Variants in ENTPD4 observed in about 807,000 individuals in gnomAD.
ENTPD4 encodes Golgi UDPase.
In ENTPD4, 60 loss-of-function variants were observed where a neutral mutation model predicts 79.1. The ratio of observed to expected loss-of-function variants is 0.76; its 90% CI spans 0.62 to 0.94. ENTPD4 has a LOEUF of 0.94. ENTPD4 is among the 40% of genes least tolerant of loss of function. The pLI, the probability that ENTPD4 is intolerant of heterozygous loss-of-function variation, is 0.00. For synonymous variants in ENTPD4, 276 were observed against 292.0 expected (o/e 0.95, Z 0.56); for missense variants, 772 against 775.1 (o/e 1.00, Z 0.05).
intron 11 of ENTPD4, 53 bp from the exon 12 acceptor site, chr8:23,434,531 G>C: frequency 6.8e-6 from 10 of 1,476,438 alleles, no homozygotes; most frequent in Non-Finnish European, 9.3e-6. Flanking sequence ...TGTCAAGATG[G>C]CACACACACA....
chr8:23,446,968 G>A (rs1800773232), intron 4 of ENTPD4, among the ~76,000 whole-genome samples: 1 of 152,104 alleles, frequency 6.6e-6, no homozygotes, highest in Admixed American at 6.5e-5. Flanking sequence ...TCTCTATTAA[G>A]ATCTGTGGTC....
intron 10 of ENTPD4, among the ~76,000 whole-genome samples, chr8:23,435,992 C>A (rs931631183): frequency 6.6e-6 from 1 of 152,150 alleles, no homozygotes; most frequent in Non-Finnish European, 1.5e-5. Context: ...CTTAACTCCT[C>A]GAGGTGGCTA....
rs150311980 is a variant in ENTPD4 at position 23,434,349 on chromosome 8, G to A, written c.1590C>T (p.Ala530=). The A allele has an allele frequency of 1.2e-6, 2 of 1,614,194 alleles. No homozygotes were observed. The highest frequency in any genetic ancestry group is 2.2e-5 in the East Asian group (1 of 44,884). Residue 530 remains alanine, a synonymous_variant, in exon 12 of 13, where the codon GCC becomes GCT. Transcript: ENST00000358689. ...YDKEVQWTLG[A]ILYRTRFLPL... ...GTAGAAAGCGGGTCCTGTAGAGGATGGCTCCAAGGGTCCACTGAACCTCCT... is the reference window on the plus strand; with the variant it reads ...GTAGAAAGCGGGTCCTGTAGAGGATAGCTCCAAGGGTCCACTGAACCTCCT...
Position 23,435,448 on chromosome 8 carries a change from C to T in ENTPD4, c.1404G>A (p.Leu468=). The T allele has an allele frequency of 6.2e-7, 1 of 1,614,052 alleles. No individual in the cohort carries two copies. Among genetic ancestry groups the T allele is most frequent in the Non-Finnish European group, 8.5e-7 (1 of 1,179,956 alleles). Residue 468 remains leucine, a synonymous_variant, in exon 11 of 13, where the codon TTG becomes TTA. Transcript: ENST00000358689. ...KDYCATKWSI[L]RERFDRGLYA... ...ACAGTCCTCGGTCAAAGCGTTCCCG[C>T]AAAATGGACCACTTTGTTGCACAAT...
At position 23,431,499 on chromosome 8, in the gene ENTPD4, T is replaced by A. The variant is rs142283082; in HGVS notation, c.*1427A>T. ...GCCAATCCAATTGTCCTTTTTAGAT[T>A]TTGGCTTAAATTGTCGAATTTTTTC... is the stretch of plus-strand genomic sequence containing the variant. On this transcript the variant is annotated 3_prime_UTR_variant, in exon 13 of 13. Transcript: ENST00000358689. The A allele has an allele frequency of 1.9e-5, 19 of 985,430 alleles. No individual in the cohort carries two copies. In the East Asian group the frequency reaches 1.9e-3, roughly 100 times the overall value. The allele number at this position is 985,430 out of a possible 1,614,324, so 61.0% of individuals were successfully genotyped here.
At chr8:23,440,562 A>G (rs1273110529) in intron 8 of ENTPD4, among the ~76,000 whole-genome samples, 1 of 152,178 alleles carries the variant, frequency 6.6e-6, no homozygotes, top group African/African-American at 2.4e-5. Context: ...GAAAAACATG[A>G]TTTTTTACAA....
chr8:23,449,263 T>A (rs1050153083), intron 2 of ENTPD4, among the ~76,000 whole-genome samples: 1 of 152,192 alleles, frequency 6.6e-6, no homozygotes, highest in Admixed American at 6.5e-5. Flanking sequence ...ATAACTTCAA[T>A]AACATAAATA....
chr8:23,437,194 C>G lies in ENTPD4; in HGVS notation c.1114G>C (p.Asp372His). Residue 372 changes from aspartate (D) to histidine (H), a missense_variant, in exon 10 of 13, where the codon GAC becomes CAC. Asp to His is a moderately conservative substitution (Grantham distance 81). Transcript: ENST00000358689. Reference protein sequence around the residue: ...MPYLDPCLPLDIKDEIQQNGQ... With the variant: ...MPYLDPCLPLHIKDEIQQNGQ... ...TTTTGCTGGATTTCATCTTTAATGTCTAGGGGTAGGCAGGGGTCCAAGTAC... is the reference window on the plus strand; with the variant it reads ...TTTTGCTGGATTTCATCTTTAATGTGTAGGGGTAGGCAGGGGTCCAAGTAC... The G allele has an allele frequency of 6.2e-7, 1 of 1,614,092 alleles. No homozygotes were observed. The highest frequency in any genetic ancestry group is 8.5e-7 in the Non-Finnish European group (1 of 1,180,004).
At chr8:23,435,351 G>T (rs1319825869) in intron 11 of ENTPD4, 41 bp downstream of exon 11, 1 of 1,443,024 alleles carries the variant, frequency 6.9e-7, no homozygotes, top group East Asian at 2.3e-5. Context: ...ACTGCATTAT[G>T]GTTCTTAAGA....
intron 4 of ENTPD4, among the ~76,000 whole-genome samples, chr8:23,445,859 A>T (rs1284174015): frequency 6.6e-6 from 1 of 152,222 alleles, no homozygotes; most frequent in Non-Finnish European, 1.5e-5. Flanking sequence ...TACACAAATG[A>T]ATATTTCTAG....
intron 1 of ENTPD4, among the ~76,000 whole-genome samples, chr8:23,455,976 C>T (rs985389643): frequency 3.3e-5 from 5 of 152,230 alleles, no homozygotes; most frequent in African/African-American, 7.2e-5. Flanking sequence ...GCAGGCACCA[C>T]TACCTCAAGA....
Position 23,432,880 on chromosome 8 carries a change from CA to C in ENTPD4, c.*45del. On this transcript the variant is annotated 3_prime_UTR_variant, in exon 13 of 13. Transcript: ENST00000358689. ...AAAATAAAGAGGAGAAACCCTGAGG[CA>C]AAAATGGCTTTTCCTTTTGAGTCTT... The C allele has an allele frequency of 6.7e-7, 1 of 1,500,832 alleles. No individual in the cohort carries two copies. The highest frequency in any genetic ancestry group is 8.9e-7 in the Non-Finnish European group (1 of 1,120,796). 93.0% of individuals were successfully genotyped at this position (1,500,832 alleles called of 1,614,324 possible). A position where few individuals can be genotyped will look rare whatever the true frequency, so the allele number is the denominator to read the frequency against.
At chr8:23,433,804 T>C (rs764323247) in intron 12 of ENTPD4, among the ~76,000 whole-genome samples, 3 of 152,214 alleles carry the variant, frequency 2.0e-5, no homozygotes, top group Non-Finnish European at 4.4e-5. Flanking sequence ...CAAAATATCA[T>C]TGACGCTCAT....
intron 10 of ENTPD4, 113 bp from the exon 11 acceptor site, chr8:23,435,590 A>G (rs1302608094): frequency 1.5e-5 from 11 of 732,088 alleles, no homozygotes; most frequent in Middle Eastern, 6.1e-4. Context: ...CCATTAGGAA[A>G]CACACAAGCT....
rs1329525917 is a variant in ENTPD4, at chr8:23,429,601, G to A, written c.*3325C>T. ...CTAAGTGATACATGCTCCTTATAAG[G>A]AAAACTACTCTGTGTAGGCCTGAGT... On this transcript the variant is annotated 3_prime_UTR_variant, in exon 13 of 13. Coordinates refer to ENST00000358689, the MANE Select transcript of ENTPD4 (RefSeq NM_004901.5). 1 of 985,264 alleles carries A rather than the reference G, an allele frequency of 1.0e-6. No individual in the cohort carries two copies. Among genetic ancestry groups the A allele is most frequent in the African/African-American group, 1.7e-5 (1 of 57,232 alleles). 61.0% of individuals were successfully genotyped at this position (985,264 alleles called of 1,614,324 possible). A position where few individuals can be genotyped will look rare whatever the true frequency, so the allele number is the denominator to read the frequency against.
At position 23,436,942 on chromosome 8, in the gene ENTPD4, C is replaced by T. The variant is rs759155655; in HGVS notation, c.1366G>A (p.Ala456Thr). The change falls in exon 10 of 13, where the codon GCT (alanine) becomes ACT (threonine). Residue 456 changes from alanine to threonine, a missense_variant. Physicochemically the swap from Ala to Thr is moderately conservative, Grantham distance 58. Coordinates refer to ENST00000358689, the MANE Select transcript of ENTPD4 (RefSeq NM_004901.5). ...GDYNAAKFTK[A>T]AKDYCATKWS... is the part of the protein sequence containing the mutation. ...GCGTCTCTCAAGGGTACCTTTGCAGCTTTAGTAAATTTAGCAGCATTGTAG... is the reference window on the plus strand; with the variant it reads ...GCGTCTCTCAAGGGTACCTTTGCAGTTTTAGTAAATTTAGCAGCATTGTAG... 1 of 1,589,406 alleles carries T rather than the reference C, an allele frequency of 6.3e-7. No homozygotes were observed. The highest frequency in any genetic ancestry group is 1.7e-5 in the Admixed American group (1 of 57,272).
At chr8:23,444,814 A>T (rs1206215840) in intron 4 of ENTPD4, among the ~76,000 whole-genome samples, 3 of 152,198 alleles carry the variant, frequency 2.0e-5, no homozygotes, top group Non-Finnish European at 4.4e-5. Flanking sequence ...ATCAAAGCAC[A>T]CAGACCTGAC....
rs1800462631 is a variant in ENTPD4, at chr8:23,432,022, C to T, written c.*904G>A. The T allele has an allele frequency of 6.1e-6, 6 of 985,374 alleles. No homozygotes were observed. The highest frequency in any genetic ancestry group is 6.0e-6 in the Non-Finnish European group (5 of 829,926). 61.0% of individuals were successfully genotyped at this position (985,374 alleles called of 1,614,324 possible). On this transcript the variant is annotated 3_prime_UTR_variant, in exon 13 of 13. Coordinates refer to ENST00000358689, the MANE Select transcript of ENTPD4 (RefSeq NM_004901.5). ...GGTTTCTTGGGATTTTTCACACACT[C>T]GCACAAAGCTGTAGTCGATAGTTCA...
At position 23,431,351 on chromosome 8, in the gene ENTPD4, T is replaced by C. The variant is rs2117269464; in HGVS notation, c.*1575A>G. ...ACCAACTACAGGAATTTAACTGTTC[T>C]GGAGTTAGGGAACAGCACACACAGA... On this transcript the variant is annotated 3_prime_UTR_variant, in exon 13 of 13. Coordinates refer to ENST00000358689, the MANE Select transcript of ENTPD4 (RefSeq NM_004901.5). 3.0e-6 allele frequency: 3 copies of C among 985,450 alleles called. No homozygotes were observed. Among genetic ancestry groups the C allele is most frequent in the Middle Eastern group, 5.2e-4 (1 of 1,914 alleles). The allele number at this position is 985,450 out of a possible 1,614,324, so 61.0% of individuals were successfully genotyped here.
Sources: gnomAD v4.1 joint callset for allele counts (sites outside exome capture counted in the v4.1 genomes callset) on GRCh38, gnomAD v4.1.1 for gene constraint, MANE v1.5 for transcripts, NCBI Gene and HGNC (gene_info 2026-07-23, HGNC 2026-07-21) for gene names.